Variants in ATP9B observed in about 807,000 individuals in gnomAD.
The protein encoded by ATP9B is probable phospholipid-transporting ATPase IIB.
Under a neutral mutation model 146.1 loss-of-function variants are expected in ATP9B, and 110 were observed. That is an observed-to-expected ratio of 0.75 (90% confidence interval 0.65 to 0.88). ATP9B has a LOEUF of 0.88. Among genes scored for constraint, ATP9B ranks in the 40% least tolerant of loss-of-function variants. The pLI is 0.00. For missense variants in ATP9B, 1,499 were observed against 1,496.4 expected (o/e 1.00, Z -0.03); for synonymous variants, 604 against 569.7 (o/e 1.06, Z -0.86).
chr18:79,144,880 G>C (rs1415539660), intron 6 of ATP9B: 1 of 157,086 alleles, frequency 6.4e-6, no homozygotes, highest in Non-Finnish European at 1.4e-5. Context: ...AAATTTAAGA[G>C]GGAAAAGTGA....
intron 15 of ATP9B, among the ~76,000 whole-genome samples, chr18:79,315,683 G>T (rs543041402): frequency 2.0e-5 from 3 of 152,194 alleles, no homozygotes. Context: ...TTAATGGTAA[G>T]AATTGCCCCG....
rs1217998447 is a variant in ATP9B at position 79,256,284 on chromosome 18, T to TATATATATATATATATATATATAC, written c.1268+2746_1268+2747insTATATATATATATATATATACATA. Among the ~76,000 whole-genome samples the TATATATATATATATATATATATAC allele has an allele frequency of 1.1e-3, 134 of 122,730 alleles. 4 individuals carry two copies. Among genetic ancestry groups the TATATATATATATATATATATATAC allele is most frequent in the Non-Finnish European group, 1.9e-3 (103 of 54,042 alleles). 80.5% of individuals were successfully genotyped at this position (122,730 alleles called of 152,430 possible). A position where few individuals can be genotyped will look rare whatever the true frequency, so the allele number is the denominator to read the frequency against. ...ATATATATATATATATATATATATA[T>TATATATATATATATATATATATAC]ATACATACATAGTGAGGCTATGTTA... On this transcript the variant is annotated intron_variant, in intron 12 of 29. Transcript: ENST00000426216.
intron 1 of ATP9B, among the ~76,000 whole-genome samples, chr18:79,073,349 G>A (rs991350930): frequency 1.3e-5 from 2 of 152,212 alleles, no homozygotes; most frequent in Non-Finnish European, 2.9e-5. Flanking sequence ...ATTGAGCACT[G>A]AGTGAGCGAG....
At chr18:79,333,352 G>A (rs1352603442) in intron 17 of ATP9B, among the ~76,000 whole-genome samples, 1 of 152,228 alleles carries the variant, frequency 6.6e-6, no homozygotes, top group Non-Finnish European at 1.5e-5. Context: ...GCCTTCCTTA[G>A]GGACACTGTC....
At position 79,176,817 on chromosome 18, in the gene ATP9B, G is replaced by T. The variant is rs147127430; in HGVS notation, c.783G>T (p.Ser261=). The change falls in exon 8 of 30, where the codon TCG becomes TCT. Residue 261 remains serine (S), a synonymous_variant. Coordinates refer to ENST00000426216, the MANE Select transcript of ATP9B (RefSeq NM_198531.5). ...VFLRTSEKAG[S]CFIRTDQLDG... ...TTTTTATTCTCTACTTCCAAGGTTC[G>T]TGTTTTATTCGAACTGATCAACTAG... 2.5e-6 allele frequency: 4 copies of T among 1,613,784 alleles called. No homozygotes were observed. The highest frequency in any genetic ancestry group is 3.4e-6 in the Non-Finnish European group (4 of 1,179,848).
Position 79,375,440 on chromosome 18 carries a change from T to C in ATP9B, c.3307+14T>C, listed in dbSNP as rs927411498. ...GAGCTTTCTTAGGTAGGTAAAGTTA[T>C]CATTTCTTTCAAAAGTGTAGAAATT... On this transcript the variant is annotated intron_variant, in intron 29 of 29. Coordinates refer to ENST00000426216, the MANE Select transcript of ATP9B (RefSeq NM_198531.5). 2.5e-6 allele frequency: 4 copies of C among 1,611,416 alleles called. No individual in the cohort carries two copies. The African/African-American group carries it at 5.3e-5, about 22-fold the overall frequency.
At chr18:79,224,791 C>T (rs1229405837) in intron 11 of ATP9B, among the ~76,000 whole-genome samples, 1 of 152,236 alleles carries the variant, frequency 6.6e-6, no homozygotes, top group Non-Finnish European at 1.5e-5. Context: ...TCAGTGTCTA[C>T]TCAGGAAAGC....
At chr18:79,294,235 C>T (rs2096531222) in intron 13 of ATP9B, among the ~76,000 whole-genome samples, 1 of 152,182 alleles carries the variant, frequency 6.6e-6, no homozygotes, top group East Asian at 1.9e-4. Flanking sequence ...TTCTCTTCTC[C>T]AGAAAAAGAT....
Position 79,285,871 on chromosome 18 carries a change from G to A in ATP9B, c.1411+8675G>A, listed in dbSNP as rs1408097786. On this transcript the variant is annotated intron_variant, in intron 13 of 29. Transcript: ENST00000426216. ...TTTTCCCAGCACCATTTATTAAATAGGGAATCCTTTCCCCATTGCTTGTTT... is the reference window on the plus strand; with the variant it reads ...TTTTCCCAGCACCATTTATTAAATAAGGAATCCTTTCCCCATTGCTTGTTT... Among the ~76,000 whole-genome samples, 10 of 151,706 alleles carry A rather than the reference G, an allele frequency of 6.6e-5. No homozygotes were observed. The South Asian group carries it at 1.5e-3, about 22-fold the overall frequency.
intron 26 of ATP9B, 54 bp from the exon 27 acceptor site, chr18:79,372,771 T>G: frequency 1.2e-5 from 14 of 1,201,652 alleles, no homozygotes; most frequent in Non-Finnish European, 1.6e-5. Flanking sequence ...CTGGAAGGCG[T>G]GAGTCAAGCA....
At chr18:79,339,661 C>T (rs577956445) in intron 19 of ATP9B, among the ~76,000 whole-genome samples, 2 of 149,478 alleles carry the variant, frequency 1.3e-5, no homozygotes, top group African/African-American at 5.0e-5. Context: ...TGACTGAGAT[C>T]GTAGTAGGAA....
chr18:79,304,194 C>T lies in ATP9B; in HGVS notation c.1524+478C>T, dbSNP rs2096608607. Reference sequence around the variant, plus strand: ...CATCAGTGCCCAGGTGGTGATGTTTCATCTGTAGGTGTTCTTCATTATTAT... The same window carrying T: ...CATCAGTGCCCAGGTGGTGATGTTTTATCTGTAGGTGTTCTTCATTATTAT... On this transcript the variant is annotated intron_variant, in intron 14 of 29. Transcript: ENST00000426216. Among the ~76,000 whole-genome samples, 3 of 152,144 alleles carry T rather than the reference C, an allele frequency of 2.0e-5. No homozygotes were observed. In the South Asian group the frequency reaches 6.2e-4, roughly 32 times the overall value.
At chr18:79,104,238 T>C (rs1365647417) in intron 2 of ATP9B, among the ~76,000 whole-genome samples, 2 of 152,186 alleles carry the variant, frequency 1.3e-5, no homozygotes, top group Non-Finnish European at 1.5e-5. Context: ...AGGTTGAGGA[T>C]CTGTGTCCAG....
rs548945129 is a variant in ATP9B at position 79,269,421 on chromosome 18, C to T, written c.1269-7633C>T. Reference sequence around the variant, plus strand: ...TTTTAATTATTGATATTTCTTAGTTCTAAAAATTCTGGTTGGTTTCTTTAT... The same window carrying T: ...TTTTAATTATTGATATTTCTTAGTTTTAAAAATTCTGGTTGGTTTCTTTAT... On this transcript the variant is annotated intron_variant, in intron 12 of 29. Coordinates refer to ENST00000426216, the MANE Select transcript of ATP9B (RefSeq NM_198531.5). Among the ~76,000 whole-genome samples, 15 of 152,244 alleles carry T rather than the reference C, an allele frequency of 9.9e-5. No individual in the cohort carries two copies. The East Asian group carries it at 2.9e-3, about 29-fold the overall frequency.
At chr18:79,345,273 C>T (rs926539735) in intron 21 of ATP9B, among the ~76,000 whole-genome samples, 155 bp from the exon 22 acceptor site, 2 of 152,132 alleles carry the variant, frequency 1.3e-5, no homozygotes, top group Admixed American at 6.5e-5. Flanking sequence ...TTCCCCTGTC[C>T]GTGAGTCCTG....
intron 13 of ATP9B, among the ~76,000 whole-genome samples, chr18:79,293,229 A>C (rs1023578722): frequency 6.6e-6 from 1 of 151,842 alleles, no homozygotes; most frequent in East Asian, 1.9e-4. Context: ...ACAAACACTA[A>C]AATTATAGTA....
At chr18:79,168,528 T>A (rs953550328) in intron 7 of ATP9B, among the ~76,000 whole-genome samples, 2 of 152,126 alleles carry the variant, frequency 1.3e-5, no homozygotes, top group Non-Finnish European at 2.9e-5. Context: ...CTTCACTCAC[T>A]TGGGAGACCT....
Position 79,340,521 on chromosome 18 carries a change from G to A in ATP9B, c.2284-1747G>A, listed in dbSNP as rs2096852522. The A allele has an allele frequency of 2.6e-5, 4 of 152,192 alleles. No homozygotes were observed. In the South Asian group the frequency reaches 8.3e-4, roughly 32 times the overall value. The allele number at this position is 152,192 out of a possible 1,614,324, so 9.4% of individuals were successfully genotyped here. On this transcript the variant is annotated intron_variant, in intron 19 of 29. Coordinates refer to ENST00000426216, the MANE Select transcript of ATP9B (RefSeq NM_198531.5). ...CTGAGAAGAGCCACAGGTGGAGCGTGCTTAAGCAGATAATCAGTACACTGT... is the reference window on the plus strand; with the variant it reads ...CTGAGAAGAGCCACAGGTGGAGCGTACTTAAGCAGATAATCAGTACACTGT...
chr18:79,220,474 G>A (rs1365878710), intron 11 of ATP9B, among the ~76,000 whole-genome samples: 1 of 152,088 alleles, frequency 6.6e-6, no homozygotes, highest in Non-Finnish European at 1.5e-5. Context: ...GGTGGCATGT[G>A]CCTGTAGTAC....
Sources: gnomAD v4.1 joint callset for allele counts (sites outside exome capture counted in the v4.1 genomes callset) on GRCh38, gnomAD v4.1.1 for gene constraint, MANE v1.5 for transcripts, NCBI Gene and HGNC (gene_info 2026-07-23, HGNC 2026-07-21) for gene names.